The following GLIS3 variants were observed in gnomAD, a reference collection of about 807,000 sequenced individuals.
GLIS3 encodes the protein zinc finger protein GLIS3.
GLIS3 carries 53 observed loss-of-function variants against 78.6 expected under a neutral mutation model. That is an observed-to-expected ratio of 0.67 (90% CI 0.54 to 0.85). The LOEUF is 0.85. Ranked by LOEUF, GLIS3 falls within the 40% of genes least tolerant of loss-of-function variation. GLIS3 has a pLI of 0.00. For synonymous variants in GLIS3, 684 were observed against 509.9 expected (o/e 1.34, Z -4.60); for missense variants, 1,703 against 1,231.1 (o/e 1.38, Z -5.74).
chr9:4,182,418 T>C (rs1817411115), intron 2 of GLIS3, among the ~76,000 whole-genome samples: 1 of 152,184 alleles, frequency 6.6e-6, no homozygotes, highest in Non-Finnish European at 1.5e-5. Context: ...CCAGGTAGGG[T>C]AATAAATTAT....
At chr9:4,037,693 T>G (rs982815487) in intron 4 of GLIS3, among the ~76,000 whole-genome samples, 1 of 152,164 alleles carries the variant, frequency 6.6e-6, no homozygotes, top group African/African-American at 2.4e-5. Flanking sequence ...GTAATAACCT[T>G]GCCAACAGAC....
intron 2 of GLIS3, among the ~76,000 whole-genome samples, chr9:4,335,672 T>A (rs955940055): frequency 6.6e-5 from 10 of 152,138 alleles, no homozygotes; most frequent in African/African-American, 2.4e-4. Context: ...CAACACGGCT[T>A]AGGGTTTTAG....
chr9:4,192,804 T>C (rs866381857), intron 2 of GLIS3, among the ~76,000 whole-genome samples: 20 of 68,224 alleles, frequency 2.9e-4, no homozygotes, highest in South Asian at 6.8e-4. Context: ...TCTAATACAA[T>C]ATTTAAAAAA....
chr9:3,976,892 A>G (rs67967930), intron 4 of GLIS3, among the ~76,000 whole-genome samples: 28,688 of 148,102 alleles, frequency 0.19, 3,067 homozygotes, highest in African/African-American at 0.27. Flanking sequence ...AGCTTCTGAC[A>G]AGACAGAAAG....
intron 2 of GLIS3, among the ~76,000 whole-genome samples, chr9:4,248,569 T>C (rs1171093093): frequency 1.3e-5 from 2 of 152,228 alleles, no homozygotes; most frequent in Non-Finnish European, 2.9e-5. Context: ...TGTGTCTTTG[T>C]AGTAGAATGA....
chr9:4,447,718 G>C, the GLIS3 span, among the ~76,000 whole-genome samples: 1 of 151,998 alleles, frequency 6.6e-6, no homozygotes, highest in Non-Finnish European at 1.5e-5. Context: ...CCATTAGATG[G>C]CTTCATGGAG....
At chr9:3,943,982 C>A (rs1489251744) in intron 4 of GLIS3, among the ~76,000 whole-genome samples, 1 of 152,192 alleles carries the variant, frequency 6.6e-6, no homozygotes, top group East Asian at 1.9e-4. Flanking sequence ...ATAAATACAA[C>A]TTCCTGGCTT....
intron 2 of GLIS3, among the ~76,000 whole-genome samples, chr9:4,339,368 C>T (rs897744431): frequency 2.0e-5 from 3 of 152,194 alleles, no homozygotes; most frequent in Non-Finnish European, 2.9e-5. Flanking sequence ...TCATGAAATA[C>T]ATGCTTCACT....
upstream of GLIS3, among the ~76,000 whole-genome samples, chr9:4,304,217 G>A (rs761819083): frequency 6.6e-6 from 1 of 152,174 alleles, no homozygotes; most frequent in African/African-American, 2.4e-5. Flanking sequence ...TTGAATGTGT[G>A]CAAACCACAC....
chr9:4,174,658 G>A (rs998006156), intron 2 of GLIS3, among the ~76,000 whole-genome samples: 1 of 152,160 alleles, frequency 6.6e-6, no homozygotes, highest in Non-Finnish European at 1.5e-5. Context: ...TGTAAACTGT[G>A]AATTAACCTC....
At chr9:4,244,081 C>G (rs1489848794) in intron 2 of GLIS3, among the ~76,000 whole-genome samples, 1 of 152,232 alleles carries the variant, frequency 6.6e-6, no homozygotes, top group Non-Finnish European at 1.5e-5. Context: ...TTCCACTCAT[C>G]TTTCCAGCCC....
At chr9:4,408,295 C>G in the GLIS3 span, among the ~76,000 whole-genome samples, 1 of 152,002 alleles carries the variant, frequency 6.6e-6, no homozygotes, top group African/African-American at 2.4e-5. Flanking sequence ...ATCAGTATAT[C>G]GAGGAGCTAT....
At chr9:4,333,151 G>A (rs899921878) in intron 2 of GLIS3, among the ~76,000 whole-genome samples, 6 of 152,116 alleles carry the variant, frequency 3.9e-5, no homozygotes, top group African/African-American at 1.4e-4. Context: ...GAAGGCTGAA[G>A]CAGGAGGATT....
intron 2 of GLIS3, among the ~76,000 whole-genome samples, chr9:4,189,880 C>G (rs1156505674): frequency 6.6e-6 from 1 of 151,928 alleles, no homozygotes; most frequent in Non-Finnish European, 1.5e-5. Context: ...TATTATGAGC[C>G]TATGTGTGTC....
At chr9:4,127,746 T>C (rs1171965928) in intron 2 of GLIS3, among the ~76,000 whole-genome samples, 1 of 151,604 alleles carries the variant, frequency 6.6e-6, no homozygotes, top group Non-Finnish European at 1.5e-5. Flanking sequence ...TAGCCACTAT[T>C]ATTAAAAGCA....
chr9:3,902,481 T>TA (rs35006938), intron 6 of GLIS3, among the ~76,000 whole-genome samples: 2 of 152,218 alleles, frequency 1.3e-5, no homozygotes, highest in Admixed American at 1.3e-4. Context: ...ACTATTTATT[T>TA]AAAAAACTGC....
chr9:4,220,883 G>A (rs1473710133), intron 2 of GLIS3, among the ~76,000 whole-genome samples: 1 of 152,160 alleles, frequency 6.6e-6, no homozygotes, highest in South Asian at 2.1e-4. Flanking sequence ...TACTCAGGAG[G>A]CTGAGGTGGG....
chr9:4,373,929 G>T, the GLIS3 span, among the ~76,000 whole-genome samples: 1 of 152,122 alleles, frequency 6.6e-6, no homozygotes, highest in Non-Finnish European at 1.5e-5. Flanking sequence ...GCCTCCCACA[G>T]TGCTGGGATT....
At chr9:4,261,957 G>A (rs925814551) in intron 2 of GLIS3, among the ~76,000 whole-genome samples, 2 of 152,202 alleles carry the variant, frequency 1.3e-5, no homozygotes, top group African/African-American at 4.8e-5. Flanking sequence ...GATGCAGGGG[G>A]TCCCCATGAT....
Sources: gnomAD v4.1 joint callset for allele counts (sites outside exome capture counted in the v4.1 genomes callset) on GRCh38, gnomAD v4.1.1 for gene constraint, MANE v1.5 for transcripts, NCBI Gene and HGNC (gene_info 2026-07-23, HGNC 2026-07-21) for gene names.